The following NXF3 variants were observed in gnomAD, a reference collection of about 807,000 sequenced individuals.
The protein encoded by NXF3 is TAP-like protein 3.
In NXF3, 34 loss-of-function variants were observed where a neutral mutation model predicts 48.4. The ratio of observed to expected loss-of-function variants is 0.70; its 90% CI spans 0.53 to 0.93. The LOEUF is 0.93. Among genes scored for constraint, NXF3 ranks in the 40% least tolerant of loss-of-function variants. NXF3 has a pLI of 0.00. For missense variants in NXF3, 359 were observed against 406.1 expected (o/e 0.88, Z 1.00); for synonymous variants, 132 against 145.7 (o/e 0.91, Z 0.68).
chrX:103,081,978 C>G lies in NXF3; in HGVS notation c.890+277G>C, dbSNP rs913846480. ...GCTGGTCCTGGGGAAGTGGGGGAGC[C>G]CCGCTTCCTGGAGCACACTCACAGA... On this transcript the variant is annotated intron_variant, in intron 9 of 19. Transcript: ENST00000395065. 23 of 327,552 alleles carry G rather than the reference C, an allele frequency of 7.0e-5. No homozygotes were observed. The Admixed American group carries it at 9.6e-4, about 14-fold the overall frequency. 27.0% of individuals were successfully genotyped at this position (327,552 alleles called of 1,213,427 possible).
intron 11 of NXF3, 34 bp downstream of exon 11, chrX:103,080,114 T>C: frequency 8.3e-7 from 1 of 1,208,382 alleles, no homozygotes; most frequent in African/African-American, 1.7e-5. Flanking sequence ...CCCCCCTTCC[T>C]CATGCACCAC....
intron 1 of NXF3, chrX:103,089,292 A>G (rs771412203): frequency 6.6e-6 from 3 of 451,415 alleles, no homozygotes; most frequent in East Asian, 7.4e-5. Context: ...TGTCACAACC[A>G]CTAACAATTG....
intron 1 of NXF3, 118 bp from the exon 2 acceptor site, chrX:103,085,001 A>G (rs1922110865): frequency 1.5e-6 from 1 of 671,760 alleles, no homozygotes; most frequent in African/African-American, 2.2e-5. Flanking sequence ...ATCTGGCTCT[A>G]CTGCCCAGAC....
Position 103,079,647 on chromosome X carries a change from A to G in NXF3, c.1161-5T>C, listed in dbSNP as rs1339815142. ...AAGAACTTGCAGAAGCTGCTCCTAG[A>G]AGAAAAAGAGGAGCAGGAGTGGGTG... On this transcript the variant is annotated splice_region_variant and splice_polypyrimidine_tract_variant and intron_variant, in intron 13 of 19. Coordinates refer to ENST00000395065, the MANE Select transcript of NXF3 (RefSeq NM_022052.2). The G allele has an allele frequency of 3.1e-5, 38 of 1,209,128 alleles. No individual in the cohort carries two copies. The highest frequency in any genetic ancestry group is 4.1e-5 in the Non-Finnish European group (37 of 893,234).
At chrX:103,084,964 A>T (rs1922109700) in intron 1 of NXF3, 81 bp from the exon 2 acceptor site, 1 of 921,936 alleles carries the variant, frequency 1.1e-6, no homozygotes, top group East Asian at 3.1e-5. Flanking sequence ...GAAAAAATTC[A>T]CTGATATTTA....
intron 1 of NXF3, 129 bp downstream of exon 1, chrX:103,092,867 G>T: frequency 1.5e-6 from 1 of 679,618 alleles, no homozygotes; most frequent in Non-Finnish European, 2.3e-6. Context: ...CTGGGCCCTT[G>T]CCACTGCCCA....
Position 103,083,594 on chromosome X carries a change from A to T in NXF3, c.435+15T>A. On this transcript the variant is annotated intron_variant, in intron 4 of 19. Transcript: ENST00000395065. ...TGTCCTGTTTTCTCTCGTCTGCCTCACGGTCCTTTCTTACCTCAACTGGGA... is the reference window on the plus strand; with the variant it reads ...TGTCCTGTTTTCTCTCGTCTGCCTCTCGGTCCTTTCTTACCTCAACTGGGA... 8.3e-7 allele frequency: 1 copy of T among 1,198,451 alleles called. No individual in the cohort carries two copies. Among genetic ancestry groups the T allele is most frequent in the Non-Finnish European group, 1.1e-6 (1 of 883,375 alleles).
At position 103,083,074 on chromosome X, in the gene NXF3, C is replaced by G; in HGVS notation, c.622-1G>C. 1 of 1,210,612 alleles carries G rather than the reference C, an allele frequency of 8.3e-7. No homozygotes were observed. The highest frequency in any genetic ancestry group is 1.1e-6 in the Non-Finnish European group (1 of 894,505). ...CATCACACTGTTGGTTCATGGCCAG[C>G]TGCAGAGTTAGAGATGGGTTTCAGA... On this transcript the variant is annotated splice_acceptor_variant, in intron 6 of 19. Coordinates refer to ENST00000395065, the MANE Select transcript of NXF3 (RefSeq NM_022052.2). LOFTEE classifies it high-confidence loss of function.
intron 1 of NXF3, chrX:103,089,030 T>G: frequency 8.7e-7 from 1 of 1,147,968 alleles, no homozygotes; most frequent in South Asian, 1.8e-5. Flanking sequence ...AAAGCCATCC[T>G]TTTTGCAGTT....
intron 1 of NXF3, among the ~76,000 whole-genome samples, chrX:103,089,841 C>T (rs1405068384): frequency 9.1e-6 from 1 of 110,401 alleles, no homozygotes; most frequent in African/African-American, 3.3e-5. Context: ...TTTCATTGGT[C>T]TTTTCAAAGC....
intron 16 of NXF3, 117 bp from the exon 17 acceptor site, chrX:103,078,749 G>GT: frequency 1.8e-6 from 2 of 1,096,371 alleles, no homozygotes; most frequent in Middle Eastern, 4.9e-4. Flanking sequence ...GACCAGGACA[G>GT]TTGTTCACTT....
At chrX:103,090,763 A>C (rs1431263424) in intron 1 of NXF3, among the ~76,000 whole-genome samples, 2 of 111,704 alleles carry the variant, frequency 1.8e-5, no homozygotes, top group Non-Finnish European at 3.8e-5. Flanking sequence ...CTTGGGTTTA[A>C]TTTACAGAGA....
At chrX:103,077,105 T>C (rs1200788565) in intron 18 of NXF3, among the ~76,000 whole-genome samples, 1 of 111,056 alleles carries the variant, frequency 9.0e-6, no homozygotes, top group Non-Finnish European at 1.9e-5. Flanking sequence ...TGAATATGTA[T>C]CAAGAGGGAA....
intron 16 of NXF3, 97 bp downstream of exon 16, chrX:103,079,124 G>A: frequency 1.1e-6 from 1 of 895,568 alleles, no homozygotes; most frequent in Non-Finnish European, 1.6e-6. Context: ...GGAAGGAAAG[G>A]AACGAAATGA....
chrX:103,077,631 G>A lies in NXF3; in HGVS notation c.1567C>T (p.Gln523Ter). 1 of 1,211,265 alleles carries A rather than the reference G, an allele frequency of 8.3e-7. No individual in the cohort carries two copies. The highest frequency in any genetic ancestry group is 1.1e-6 in the Non-Finnish European group (1 of 895,193). ...ACCTGTACCATTTTCTGCTGCTCCT[G>A]GGAGAAGGCAGGCACGGAGCTGGAG... is the stretch of plus-strand genomic sequence containing the variant. Reference protein sequence around the residue: ...AFSSSVPAFSQEQQKMLPS With the variant: ...AFSSSVPAFS The change falls in exon 18 of 20, where the codon CAG becomes TAG. Residue 523 changes from glutamine (Q) to a stop codon, truncating the protein, a stop_gained. Coordinates refer to ENST00000395065, the MANE Select transcript of NXF3 (RefSeq NM_022052.2). LOFTEE classifies it high-confidence loss of function.
At chrX:103,089,307 C>G (rs899569699) in intron 1 of NXF3, 13 of 403,089 alleles carry the variant, frequency 3.2e-5, no homozygotes, top group Admixed American at 2.6e-4. Flanking sequence ...CAATTGTGGT[C>G]TCTGGTGATC....
chrX:103,082,381 G>C lies in NXF3; in HGVS notation c.781-17C>G. On this transcript the variant is annotated splice_polypyrimidine_tract_variant and intron_variant, in intron 8 of 19. Transcript: ENST00000395065. Reference sequence around the variant, plus strand: ...AGACATCACCTGCAATTATGCAGAAGAACCACGTAGACCCAGGAAAGAGCA... The same window carrying C: ...AGACATCACCTGCAATTATGCAGAACAACCACGTAGACCCAGGAAAGAGCA... The C allele has an allele frequency of 2.7e-6, 3 of 1,096,359 alleles. No homozygotes were observed. The highest frequency in any genetic ancestry group is 3.8e-6 in the Non-Finnish European group (3 of 794,321). The allele number at this position is 1,096,359 out of a possible 1,213,427, so 90.4% of individuals were successfully genotyped here.
chrX:103,081,029 G>A, intron 9 of NXF3: 1 of 170,334 alleles, frequency 5.9e-6, no homozygotes, highest in Non-Finnish European at 1.1e-5. Flanking sequence ...GCAGAAACGG[G>A]GTGAAGGTAG....
chrX:103,078,479 C>T lies in NXF3; in HGVS notation c.1451+81G>A, dbSNP rs1020308553. On this transcript the variant is annotated intron_variant, in intron 17 of 19. Coordinates refer to ENST00000395065, the MANE Select transcript of NXF3 (RefSeq NM_022052.2). ...TCGGTTTTTTACAACATTGAGAACA[C>T]CCCGAGGACTGCACCACCACATTCC... 21 of 1,181,460 alleles carry T rather than the reference C, an allele frequency of 1.8e-5. No individual in the cohort carries two copies. The African/African-American group carries it at 3.5e-4, about 20-fold the overall frequency.
Sources: allele counts gnomAD v4.1 joint callset (sites outside exome capture counted in the v4.1 genomes callset), GRCh38; gene constraint gnomAD v4.1.1; transcripts MANE v1.5; gene names NCBI Gene and HGNC (gene_info 2026-07-23, HGNC 2026-07-21).